Variants in RFT1 observed in about 807,000 individuals in gnomAD.
RFT1 encodes the protein RFT1 glycolipid translocator homolog.
In RFT1, 43 loss-of-function variants were observed where a neutral mutation model predicts 62.2. The observed-to-expected ratio is 0.69, with a 90% confidence interval of 0.54 to 0.89. The LOEUF (loss-of-function observed/expected upper bound fraction) is 0.89. Among genes scored for constraint, RFT1 ranks in the 40% least tolerant of loss-of-function variants. The probability of loss-of-function intolerance (pLI) is 0.00; values close to 1 mark genes in which losing one functional copy is unlikely to be tolerated. For synonymous variants in RFT1, 262 were observed against 264.6 expected, an observed-to-expected ratio of 0.99 and a Z score of 0.10; for missense variants, 605 against 649.9, an observed-to-expected ratio of 0.93 and a Z score of 0.75.
intron 11 of RFT1, among the ~76,000 whole-genome samples, chr3:53,095,632 G>A (rs182582923): frequency 9.1e-4 from 139 of 152,076 alleles, no homozygotes; most frequent in Non-Finnish European, 1.8e-3. Flanking sequence ...TGGAAGGATC[G>A]ATTGAGCCTA....
chr3:53,088,365 C>T (rs376801362), downstream of RFT1: 1 of 152,144 alleles, frequency 6.6e-6, no homozygotes, highest in Non-Finnish European at 1.5e-5. Flanking sequence ...GAGAGAGAAA[C>T]GTTCCAGCTG....
At chr3:53,075,084 C>T in the RFT1 span, among the ~76,000 whole-genome samples, 20 of 152,294 alleles carry the variant, frequency 1.3e-4, no homozygotes, top group African/African-American at 1.9e-4. Context: ...AGGTGTATGT[C>T]GGGCCTGACC....
At chr3:53,116,213 G>A (rs1246657910) in intron 6 of RFT1, among the ~76,000 whole-genome samples, 1 of 151,990 alleles carries the variant, frequency 6.6e-6, no homozygotes, top group Admixed American at 6.6e-5. Flanking sequence ...GCAGAAAGCT[G>A]CTCTGGGGAG....
At chr3:53,117,845 C>A (rs1701852331) in intron 6 of RFT1, among the ~76,000 whole-genome samples, 1 of 152,180 alleles carries the variant, frequency 6.6e-6, no homozygotes, top group South Asian at 2.1e-4. Flanking sequence ...CCCCATTTGA[C>A]AGATAAAGAA....
chr3:53,103,082 T>C, intron 10 of RFT1: 2 of 984,978 alleles, frequency 2.0e-6, no homozygotes, highest in Non-Finnish European at 2.4e-6. Flanking sequence ...CAGGTGTTTC[T>C]CCAAACTTAA....
intron 10 of RFT1, among the ~76,000 whole-genome samples, chr3:53,102,517 T>G (rs1225838755): frequency 1.3e-5 from 2 of 151,940 alleles, no homozygotes; most frequent in African/African-American, 4.8e-5. Flanking sequence ...TGTTGTTCTG[T>G]GAGTTACCAA....
downstream of RFT1, among the ~76,000 whole-genome samples, chr3:53,087,313 A>G (rs1273932035): frequency 6.6e-6 from 1 of 152,100 alleles, no homozygotes; most frequent in Non-Finnish European, 1.5e-5. Flanking sequence ...GTTTTCAGCC[A>G]TGGCTCTTCT....
downstream of RFT1, among the ~76,000 whole-genome samples, chr3:53,086,222 T>G (rs1474258293): frequency 1.3e-5 from 2 of 152,196 alleles, no homozygotes; most frequent in Non-Finnish European, 2.9e-5. Flanking sequence ...ATTTCCAAAT[T>G]AAATACACAA....
intron 9 of RFT1, among the ~76,000 whole-genome samples, chr3:53,105,410 TCCC>T (rs1553654051): frequency 8.5e-6 from 1 of 116,988 alleles, no homozygotes; most frequent in Non-Finnish European, 1.7e-5. Context: ...CAAGACTCTA[TCCC>T]CGCCCCCCCC....
chr3:53,091,721 C>A lies in RFT1; in HGVS notation c.*182G>T, dbSNP rs550906487. The A allele has an allele frequency of 1.1e-4, 74 of 666,850 alleles. No individual in the cohort carries two copies. The highest frequency in any genetic ancestry group is 1.8e-4 in the Non-Finnish European group (66 of 369,022). 41.3% of individuals were successfully genotyped at this position (666,850 alleles called of 1,614,324 possible). A position where few individuals can be genotyped will look rare whatever the true frequency, so the allele number is the denominator to read the frequency against. ...TCACTTAAAAATGAAACTCCCCCCC[C>A]GCATTTCAGACTTCGAATGGTCACA... On this transcript the variant is annotated 3_prime_UTR_variant, in exon 13 of 13. Coordinates refer to ENST00000296292, the MANE Select transcript of RFT1 (RefSeq NM_052859.4).
intron 11 of RFT1, 106 bp from the exon 12 acceptor site, chr3:53,092,724 C>T: frequency 1.5e-6 from 2 of 1,358,746 alleles, no homozygotes; most frequent in South Asian, 2.6e-5. Flanking sequence ...ACCTGAGCTC[C>T]TGGAATCCAG....
downstream of RFT1, among the ~76,000 whole-genome samples, chr3:53,087,062 A>AC (rs1426423067): frequency 1.4e-4 from 22 of 151,808 alleles, no homozygotes; most frequent in Non-Finnish European, 2.2e-4. Flanking sequence ...ACATGGTGAA[A>AC]CCCCCTCCCT....
downstream of RFT1, among the ~76,000 whole-genome samples, chr3:53,086,455 A>G (rs1199723429): frequency 3.3e-5 from 5 of 152,012 alleles, no homozygotes; most frequent in Non-Finnish European, 7.4e-5. Context: ...AGCTGGAATT[A>G]CAGGCATCTG....
intron 11 of RFT1, among the ~76,000 whole-genome samples, chr3:53,098,627 C>A (rs982567018): frequency 2.0e-5 from 3 of 151,792 alleles, no homozygotes; most frequent in Admixed American, 6.6e-5. Flanking sequence ...ACGGTGAAAC[C>A]CCATCTCTAC....
Position 53,123,739 on chromosome 3 carries a change from T to C in RFT1, c.251A>G (p.Asn84Ser), listed in dbSNP as rs961379018. 4 of 1,613,628 alleles carry C rather than the reference T, an allele frequency of 2.5e-6. No individual in the cohort carries two copies. The highest frequency in any genetic ancestry group is 1.3e-5 in the African/African-American group (1 of 74,906). ...GTQRDWSQTL[N>S]LLWLTVPLGV... is the part of the protein sequence containing the mutation. ...CACAACTCACGTTAGCCACAGCAGG[T>C]TGAGGGTCTGGCTCCAGTCTCGCTG... The change falls in exon 3 of 13, where the codon AAC becomes AGC. Residue 84 changes from asparagine to serine, a missense_variant. Physicochemically the swap from Asn to Ser is conservative, Grantham distance 46 (BLOSUM62 1). Transcript: ENST00000296292.
At chr3:53,100,354 C>T (rs1051980001) in intron 10 of RFT1, among the ~76,000 whole-genome samples, 1 of 152,206 alleles carries the variant, frequency 6.6e-6, no homozygotes, top group Non-Finnish European at 1.5e-5. Context: ...TTGATTCCCC[C>T]CTTTTAAGAG....
intron 11 of RFT1, among the ~76,000 whole-genome samples, chr3:53,097,826 C>T (rs909387504): frequency 6.6e-6 from 1 of 152,150 alleles, no homozygotes; most frequent in Non-Finnish European, 1.5e-5. Context: ...ATTTTCAAAG[C>T]TAAATTGAAA....
the RFT1 span, among the ~76,000 whole-genome samples, chr3:53,075,572 G>A: frequency 3.9e-5 from 6 of 152,200 alleles, no homozygotes; most frequent in Admixed American, 1.3e-4. Context: ...CCTCTCCATC[G>A]TGAGGCATGT....
chr3:53,068,792 G>C, the RFT1 span, among the ~76,000 whole-genome samples: 1 of 152,108 alleles, frequency 6.6e-6, no homozygotes, highest in African/African-American at 2.4e-5. Context: ...CTTTACAATG[G>C]TGCAAAAGTC....
Sources: gnomAD v4.1 joint callset for allele counts (sites outside exome capture counted in the v4.1 genomes callset) on GRCh38, gnomAD v4.1.1 for gene constraint, MANE v1.5 for transcripts, NCBI Gene and HGNC (gene_info 2026-07-23, HGNC 2026-07-21) for gene names.